The following DNA2 variants were observed in gnomAD, a reference collection of about 807,000 sequenced individuals.
DNA2 encodes the protein DNA replication ATP-dependent helicase/nuclease DNA2.
DNA2 carries 101 observed loss-of-function variants against 119.1 expected under a neutral mutation model. That is an observed-to-expected ratio of 0.85 (90% CI 0.72 to 1.00). The LOEUF (loss-of-function observed/expected upper bound fraction) is 1.00, where lower values mean the gene tolerates loss of function less well. DNA2 is among the 50% of genes least tolerant of loss of function. DNA2 has a pLI of 0.00. For synonymous variants in DNA2, 366 were observed against 424.4 expected, an observed-to-expected ratio of 0.86 and a Z score of 1.69; for missense variants, 1,121 against 1,255.5, an observed-to-expected ratio of 0.89 and a Z score of 1.62.
intron 13 of DNA2, 120 bp from the exon 14 acceptor site, chr10:68,430,780 A>G: frequency 1.3e-6 from 1 of 751,388 alleles, no homozygotes; most frequent in Non-Finnish European, 2.1e-6. Flanking sequence ...AAAAATTATG[A>G]AGCCAAAACA....
chr10:68,431,717 T>C (rs2051823654), intron 13 of DNA2, 145 bp downstream of exon 13: 3 of 581,336 alleles, frequency 5.2e-6, no homozygotes, highest in Admixed American at 3.4e-5. Context: ...TCAGCTTTAC[T>C]ATTTCTCATC....
chr10:68,425,323 T>A (rs1350227957), intron 14 of DNA2, among the ~76,000 whole-genome samples: 2 of 151,798 alleles, frequency 1.3e-5, no homozygotes, highest in African/African-American at 4.8e-5. Context: ...CTCGAACGCC[T>A]GACCTCGTGA....
chr10:68,432,113 T>G, intron 12 of DNA2, 93 bp downstream of exon 12: 1 of 1,117,950 alleles, frequency 8.9e-7, no homozygotes. Flanking sequence ...CTAAACATTG[T>G]AGTTGCAAGT....
At chr10:68,433,872 T>C (rs1190664468) in intron 10 of DNA2, among the ~76,000 whole-genome samples, 1 of 152,236 alleles carries the variant, frequency 6.6e-6, no homozygotes, top group Non-Finnish European at 1.5e-5. Context: ...TCACACTACA[T>C]CACACGTTTG....
chr10:68,429,717 A>AG (rs993119535), intron 14 of DNA2, among the ~76,000 whole-genome samples: 1 of 146,630 alleles, frequency 6.8e-6, no homozygotes, highest in African/African-American at 2.5e-5. Flanking sequence ...ATCTCAAAAA[A>AG]AAAAAAAAAA....
intron 5 of DNA2, among the ~76,000 whole-genome samples, chr10:68,452,129 G>A (rs953591510): frequency 1.3e-5 from 2 of 151,988 alleles, no homozygotes; most frequent in Non-Finnish European, 1.5e-5. Flanking sequence ...GTTGCCCGGG[G>A]TAGAGTGCAG....
At chr10:68,432,052 C>G (rs1281093800) in intron 12 of DNA2, 81 bp from the exon 13 acceptor site, 1 of 1,245,570 alleles carries the variant, frequency 8.0e-7, no homozygotes. Flanking sequence ...GAAAAGCAGT[C>G]TCTATCCAAG....
chr10:68,431,807 TGAG>T (rs773159668), intron 13 of DNA2, 52 bp downstream of exon 13: 29 of 1,191,614 alleles, frequency 2.4e-5, no homozygotes, highest in African/African-American at 1.1e-4. Context: ...TCCTCTGAAC[TGAG>T]GAGAAGCTGA....
Position 68,450,091 on chromosome 10 carries a change from G to C in DNA2, c.876C>G (p.Tyr292Ter), listed in dbSNP as rs575286619. Residue 292 changes from tyrosine (Y) to a stop codon, truncating the protein, a stop_gained, in exon 6 of 21, where the codon TAC becomes TAG. Transcript: ENST00000358410. LOFTEE classifies it high-confidence loss of function. ...VKIHRGYKTK[Y>*]KIMPLELKTG... ...TTTTAAGTTCCAGCGGCATTATCTT[G>C]TATTTTGTTTTATACCCTCGATGTA... The C allele has an allele frequency of 6.2e-7, 1 of 1,602,166 alleles. No individual in the cohort carries two copies. The highest frequency in any genetic ancestry group is 1.1e-5 in the South Asian group (1 of 89,518).
chr10:68,465,620 A>T, intron 4 of DNA2, 47 bp downstream of exon 4: 2 of 1,383,968 alleles, frequency 1.4e-6, no homozygotes, highest in Non-Finnish European at 2.0e-6. Flanking sequence ...CTAGGACAGA[A>T]GTTATATAAT....
chr10:68,444,875 A>T (rs780185935), intron 8 of DNA2, 46 bp downstream of exon 8: 4 of 1,493,114 alleles, frequency 2.7e-6, no homozygotes, highest in Non-Finnish European at 3.7e-6. Context: ...TATTTAGTTG[A>T]GTTCATACTC....
At chr10:68,424,916 T>C (rs1333767888) in intron 14 of DNA2, 5 of 705,686 alleles carry the variant, frequency 7.1e-6, no homozygotes, top group Non-Finnish European at 1.3e-5. Context: ...AAAAAATTAT[T>C]GAACACAAAG....
intron 6 of DNA2, among the ~76,000 whole-genome samples, chr10:68,447,514 C>G (rs1488377188): frequency 9.6e-6 from 1 of 104,236 alleles, no homozygotes; most frequent in East Asian, 2.9e-4. Flanking sequence ...GAGACTTCAC[C>G]TCAAAAAAAA....
rs780293065 is a variant in DNA2, at chr10:68,431,867, T to C, written c.1978A>G (p.Thr660Ala). 2 of 1,597,120 alleles carry C rather than the reference T, an allele frequency of 1.3e-6. No homozygotes were observed. Among genetic ancestry groups the C allele is most frequent in the Non-Finnish European group, 1.7e-6 (2 of 1,165,162 alleles). ...CAGAAGAATAATAACCTTACGAGAGTACATATCGTAGTTGTTTTTCCTGTC... is the reference window on the plus strand; with the variant it reads ...CAGAAGAATAATAACCTTACGAGAGCACATATCGTAGTTGTTTTTCCTGTC... ...PGTGKTTTIC[T>A]LVRILYACGF... The change falls in exon 13 of 21, where the codon ACT (threonine) becomes GCT (alanine). Residue 660 changes from threonine (T) to alanine (A), a missense_variant. Transcript: ENST00000358410.
At chr10:68,424,847 C>A (rs528278358) in intron 14 of DNA2, 4 of 815,002 alleles carry the variant, frequency 4.9e-6, no homozygotes, top group Non-Finnish European at 8.8e-6. Flanking sequence ...CAACCGTCCA[C>A]GTGGGTACTC....
chr10:68,436,787 G>A (rs2051893945), intron 10 of DNA2: 1 of 377,460 alleles, frequency 2.6e-6, no homozygotes, highest in Non-Finnish European at 4.7e-6. Context: ...ACGGGCTGGG[G>A]AAATTGGAGG....
chr10:68,440,333 T>A (rs912524013), intron 9 of DNA2, among the ~76,000 whole-genome samples: 2 of 152,120 alleles, frequency 1.3e-5, no homozygotes, highest in Non-Finnish European at 2.9e-5. Context: ...GGAGTCTCTC[T>A]GTTGACTAGG....
At chr10:68,431,218 A>AG (rs1265583085) in intron 13 of DNA2, among the ~76,000 whole-genome samples, 1 of 149,946 alleles carries the variant, frequency 6.7e-6, no homozygotes, top group African/African-American at 2.4e-5. Flanking sequence ...CTCAAAAAAA[A>AG]AAAAGAAAAA....
rs770111693 is a variant in DNA2 at position 68,422,738 on chromosome 10, G to C, written c.2361C>G (p.Asp787Glu). The change falls in exon 15 of 21, where the codon GAC (aspartate) becomes GAG (glutamate). Residue 787 changes from aspartate (D) to glutamate (E), a missense_variant. Coordinates refer to ENST00000358410, the MANE Select transcript of DNA2 (RefSeq NM_001080449.3). ...GCACCAGGGGAGGAAGCTGCTGATG[G>C]TCCCCCACTAACACAAATCTCCGTG... ...FFSRRFVLVG[D>E]HQQLPPLVLN... 1 of 1,611,632 alleles carries C rather than the reference G, an allele frequency of 6.2e-7. No homozygotes were observed.
Sources: gnomAD v4.1 joint callset for allele counts (sites outside exome capture counted in the v4.1 genomes callset) on GRCh38, gnomAD v4.1.1 for gene constraint, MANE v1.5 for transcripts, NCBI Gene and HGNC (gene_info 2026-07-23, HGNC 2026-07-21) for gene names.